CAST: variants seen among roughly 807,000 people sequenced by gnomAD.
The protein encoded by CAST is MIR583 host.
In CAST, 76 loss-of-function variants were observed where a neutral mutation model predicts 119.6. The observed-to-expected ratio is 0.64, with a 90% CI of 0.53 to 0.77. CAST has a LOEUF of 0.77. Among genes scored for constraint, CAST ranks in the 30% least tolerant of loss-of-function variants. The probability of loss-of-function intolerance (pLI) is 0.00; values close to 1 mark genes in which losing one functional copy is unlikely to be tolerated. For synonymous variants in CAST, 319 were observed against 331.6 expected (o/e 0.96, Z 0.41); for missense variants, 953 against 946.5 (o/e 1.01, Z -0.09).
Position 96,774,384 on chromosome 5 carries a change from G to T in CAST, c.*1768G>T. 2.8e-6 allele frequency: 1 copy of T among 351,456 alleles called. No individual in the cohort carries two copies. Among genetic ancestry groups the T allele is most frequent in the Non-Finnish European group, 4.0e-6 (1 of 248,600 alleles). 21.8% of individuals were successfully genotyped at this position (351,456 alleles called of 1,614,324 possible). A position where few individuals can be genotyped will look rare whatever the true frequency, so the allele number is the denominator to read the frequency against. On this transcript the variant is annotated 3_prime_UTR_variant, in exon 32 of 32. Coordinates refer to ENST00000675179, the MANE Select transcript of CAST (RefSeq NM_001750.7). The stretch of plus-strand genomic sequence containing the variant: ...TTAATTAGAAATATCTTCGAGACTT[G>T]GGTGTTTGTTAATAACTAATAACTG...
the CAST span, among the ~76,000 whole-genome samples, chr5:96,273,813 C>T: frequency 6.6e-6 from 1 of 152,060 alleles, no homozygotes; most frequent in Non-Finnish European, 1.5e-5. Context: ...TCTGATTGCT[C>T]GAGTATCTCC....
chr5:96,149,798 G>C, the CAST span, among the ~76,000 whole-genome samples: 11 of 152,200 alleles, frequency 7.2e-5, no homozygotes, highest in Admixed American at 6.5e-5. Flanking sequence ...AGCATTCGCT[G>C]TCTGAGCCTC....
chr5:96,616,718 A>C (rs1447873597), intron 1 of CAST, among the ~76,000 whole-genome samples: 1 of 144,328 alleles, frequency 6.9e-6, no homozygotes, highest in Admixed American at 6.9e-5. Context: ...TTAGACACCA[A>C]GCGCTCGCTC....
chr5:96,357,100 A>G, the CAST span, among the ~76,000 whole-genome samples: 1 of 152,154 alleles, frequency 6.6e-6, no homozygotes, highest in Non-Finnish European at 1.5e-5. Context: ...GCAATTGTGA[A>G]TGGGAGTTCA....
chr5:96,173,022 A>G, the CAST span, among the ~76,000 whole-genome samples: 75,320 of 152,094 alleles, frequency 0.5, 20,088 homozygotes, highest in African/African-American at 0.69. Flanking sequence ...AAGCCACAGT[A>G]TTCTCTTACA....
chr5:96,536,942 T>C (rs1311148381), intron 1 of CAST, among the ~76,000 whole-genome samples: 1 of 152,216 alleles, frequency 6.6e-6, no homozygotes, highest in Non-Finnish European at 1.5e-5. Context: ...TAAAAGTTAT[T>C]AAGCCAAGCT....
chr5:96,463,896 C>G, the CAST span, among the ~76,000 whole-genome samples: 2 of 152,038 alleles, frequency 1.3e-5, no homozygotes, highest in Non-Finnish European at 2.9e-5. Flanking sequence ...TGAACCTCTT[C>G]CATCTTTAAC....
chr5:95,995,170 A>G, the CAST span, among the ~76,000 whole-genome samples: 1 of 152,170 alleles, frequency 6.6e-6, no homozygotes, highest in South Asian at 2.1e-4. Context: ...AGAAGGACTG[A>G]GGTATGATTT....
intron 1 of CAST, among the ~76,000 whole-genome samples, chr5:96,535,492 G>C (rs547272518): frequency 5.7e-4 from 86 of 151,954 alleles, no homozygotes; most frequent in Middle Eastern, 6.9e-3. Context: ...AACAGGCATA[G>C]GACATGGTGG....
the CAST span, among the ~76,000 whole-genome samples, chr5:96,170,668 G>C: frequency 2.0e-4 from 31 of 152,152 alleles, 1 homozygote; most frequent in African/African-American, 2.4e-5. Flanking sequence ...AGCGTCTCAG[G>C]GTTGCTGCCA....
chr5:96,060,510 T>G, the CAST span, among the ~76,000 whole-genome samples: 1 of 152,136 alleles, frequency 6.6e-6, no homozygotes, highest in African/African-American at 2.4e-5. Flanking sequence ...CAGCGTCCTA[T>G]CACCAAGAAA....
At chr5:96,147,997 T>G in the CAST span, among the ~76,000 whole-genome samples, 1 of 152,392 alleles carries the variant, frequency 6.6e-6, no homozygotes, top group South Asian at 2.1e-4. Flanking sequence ...TGGTTCAATT[T>G]CATCATCGGA....
chr5:96,541,847 CAG>C (rs1282769605), intron 1 of CAST, among the ~76,000 whole-genome samples: 1 of 152,096 alleles, frequency 6.6e-6, no homozygotes, highest in Non-Finnish European at 1.5e-5. Context: ...ATGCATATAC[CAG>C]AGTTTATCTG....
the CAST span, among the ~76,000 whole-genome samples, chr5:96,261,544 T>G: frequency 6.6e-6 from 1 of 152,176 alleles, no homozygotes; most frequent in Non-Finnish European, 1.5e-5. Flanking sequence ...GGATTTACAG[T>G]AAGTACTTGC....
the CAST span, among the ~76,000 whole-genome samples, chr5:96,194,705 T>C: frequency 6.6e-6 from 1 of 152,200 alleles, no homozygotes; most frequent in East Asian, 1.9e-4. Flanking sequence ...ATCTTTTAGA[T>C]TGAATAAACT....
intron 1 of CAST, among the ~76,000 whole-genome samples, chr5:96,609,154 C>T (rs1416729007): frequency 6.6e-6 from 1 of 152,126 alleles, no homozygotes; most frequent in Non-Finnish European, 1.5e-5. Flanking sequence ...TTATGTAATC[C>T]TCATCATTTT....
At chr5:96,136,534 T>C in the CAST span, among the ~76,000 whole-genome samples, 3 of 152,226 alleles carry the variant, frequency 2.0e-5, no homozygotes, top group African/African-American at 4.8e-5. Flanking sequence ...ACACTAGATA[T>C]GCCTGCTGCT....
the CAST span, among the ~76,000 whole-genome samples, chr5:95,966,332 T>A: frequency 1.3e-5 from 2 of 152,182 alleles, no homozygotes; most frequent in South Asian, 4.2e-4. Flanking sequence ...ATCGCTTATC[T>A]GAGAACTTTG....
chr5:96,421,806 T>C, the CAST span: 6 of 842,068 alleles, frequency 7.1e-6, no homozygotes, highest in East Asian at 7.2e-5. Context: ...GGATGAAATA[T>C]ATGGTATAAT....
Sources: gnomAD v4.1 joint callset for allele counts (sites outside exome capture counted in the v4.1 genomes callset) on GRCh38, gnomAD v4.1.1 for gene constraint, MANE v1.5 for transcripts, NCBI Gene and HGNC (gene_info 2026-07-23, HGNC 2026-07-21) for gene names.